DNAH9: variants seen among roughly 807,000 people sequenced by gnomAD.
DNAH9 encodes the protein dynein axonemal heavy chain 9.
A neutral mutation model predicts 471.6 loss-of-function variants in DNAH9; 345 were observed. That is an observed-to-expected ratio of 0.73 (90% CI 0.67 to 0.80). The LOEUF is 0.80. Ranked by LOEUF, DNAH9 falls within the 30% of genes least tolerant of loss-of-function variation. The probability of loss-of-function intolerance (pLI) is 0.00; values close to 1 mark genes in which losing one functional copy is unlikely to be tolerated. For missense variants in DNAH9, 5,407 were observed against 5,609.2 expected (o/e 0.96, Z 1.15); for synonymous variants, 2,093 against 2,123.6 (o/e 0.99, Z 0.40).
At chr17:11,898,148 C>G (rs1471603821) in intron 59 of DNAH9, among the ~76,000 whole-genome samples, 1 of 146,520 alleles carries the variant, frequency 6.8e-6, no homozygotes, top group Non-Finnish European at 1.5e-5. Context: ...TTTTTTGAGG[C>G]GGAGTCTCGC....
intron 57 of DNAH9, among the ~76,000 whole-genome samples, chr17:11,888,903 C>T (rs1972965570): frequency 6.6e-6 from 1 of 152,156 alleles, no homozygotes; most frequent in African/African-American, 2.4e-5. Context: ...GTGGCAGGAA[C>T]CATTCATCCT....
intron 48 of DNAH9, among the ~76,000 whole-genome samples, chr17:11,824,761 G>A (rs1295914400): frequency 3.3e-5 from 5 of 151,416 alleles, no homozygotes. Context: ...TTTTATTTTG[G>A]CCTGTTTTTC....
At chr17:11,778,876 T>C (rs1968564488) in intron 38 of DNAH9, among the ~76,000 whole-genome samples, 2 of 151,672 alleles carry the variant, frequency 1.3e-5, no homozygotes, top group South Asian at 2.1e-4. Context: ...TGTGGTGGTG[T>C]ATGCCTGTAA....
chr17:11,949,064 A>T (rs941627221), intron 67 of DNAH9, among the ~76,000 whole-genome samples: 3 of 152,248 alleles, frequency 2.0e-5, no homozygotes, highest in Non-Finnish European at 4.4e-5. Flanking sequence ...ACTACAGCCT[A>T]CAAATCCAAG....
rs1270430681 is a variant in DNAH9 at position 11,644,660 on chromosome 17, T to C, written c.1931T>C (p.Met644Thr). Residue 644 changes from methionine (M) to threonine (T), a missense_variant, in exon 11 of 69, where the codon ATG becomes ACG. By Grantham distance (81) the Met-to-Thr change is moderately conservative. Coordinates refer to ENST00000262442, the MANE Select transcript of DNAH9 (RefSeq NM_001372.4). ...PCMESAEGKR[M>T]QQKYEDMLSL... ...ATGGAATCTGCAGAAGGAAAGCGAA[T>C]GCAACAAAAATATGAAGATATGCTG... is the stretch of plus-strand genomic sequence containing the variant. The C allele has an allele frequency of 5.0e-6, 8 of 1,613,156 alleles. No homozygotes were observed. The highest frequency in any genetic ancestry group is 5.9e-6 in the Non-Finnish European group (7 of 1,179,506).
Position 11,652,849 on chromosome 17 carries a change from C to G in DNAH9, c.2442C>G (p.Ile814Met). The G allele has an allele frequency of 6.2e-7, 1 of 1,613,846 alleles. No homozygotes were observed. The highest frequency in any genetic ancestry group is 8.5e-7 in the Non-Finnish European group (1 of 1,179,836). Residue 814 changes from isoleucine (I) to methionine (M), a missense_variant, in exon 14 of 69, where the codon ATC becomes ATG. Physicochemically the swap from Ile to Met is conservative, Grantham distance 10. Coordinates refer to ENST00000262442, the MANE Select transcript of DNAH9 (RefSeq NM_001372.4). ...AAACTAAAGACAATGTGGAAGAGATCCAAAACATCATGAAAACATGGGTGA... is the reference window on the plus strand; with the variant it reads ...AAACTAAAGACAATGTGGAAGAGATGCAAAACATCATGAAAACATGGGTGA... ...IQKTKDNVEE[I>M]QNIMKTWVTP...
At chr17:11,704,491 G>T in intron 25 of DNAH9, 49 bp downstream of exon 25, 1 of 1,591,270 alleles carries the variant, frequency 6.3e-7, no homozygotes, top group Non-Finnish European at 8.5e-7. Flanking sequence ...CAGCTACACT[G>T]AGAACAGCAC....
intron 6 of DNAH9, 145 bp from the exon 7 acceptor site, chr17:11,629,272 C>T: frequency 1.9e-6 from 1 of 528,384 alleles, no homozygotes; most frequent in Non-Finnish European, 3.4e-6. Context: ...CAACAGTCCC[C>T]AGAGTGTGAT....
intron 22 of DNAH9, among the ~76,000 whole-genome samples, chr17:11,698,168 A>G (rs1398994407): frequency 1.6e-5 from 1 of 63,206 alleles, no homozygotes; most frequent in African/African-American, 9.2e-5. Context: ...ATATATTATT[A>G]TATTAATATA....
intron 14 of DNAH9, among the ~76,000 whole-genome samples, chr17:11,655,887 T>C (rs907907948): frequency 3.5e-4 from 53 of 150,740 alleles, no homozygotes; most frequent in African/African-American, 1.0e-3. Context: ...TATATATATA[T>C]ATACATATAT....
At chr17:11,753,132 A>G (rs1481016293) in intron 33 of DNAH9, among the ~76,000 whole-genome samples, 172 bp downstream of exon 33, 1 of 152,234 alleles carries the variant, frequency 6.6e-6, no homozygotes, top group African/African-American at 2.4e-5. Flanking sequence ...CCCAGCAGCA[A>G]CTTTTGCTTA....
intron 14 of DNAH9, among the ~76,000 whole-genome samples, chr17:11,659,208 C>A (rs878861514): frequency 6.6e-6 from 1 of 152,092 alleles, no homozygotes; most frequent in Non-Finnish European, 1.5e-5. Context: ...TTAGTTTTTG[C>A]AAGTTGCTTT....
At position 11,629,591 on chromosome 17, in the gene DNAH9, T is replaced by C; in HGVS notation, c.1518+7T>C. The C allele has an allele frequency of 4.3e-6, 7 of 1,611,374 alleles. No individual in the cohort carries two copies. The highest frequency in any genetic ancestry group is 5.9e-6 in the Non-Finnish European group (7 of 1,178,640). On this transcript the variant is annotated splice_region_variant and intron_variant, in intron 7 of 68. Coordinates refer to ENST00000262442, the MANE Select transcript of DNAH9 (RefSeq NM_001372.4). ...CCTGTACCTCCAAAGCACGGTAGGG[T>C]TGGGAAGGGCTGAATCGCCAGCTCT...
intron 61 of DNAH9, among the ~76,000 whole-genome samples, chr17:11,909,879 A>G (rs1027626177): frequency 6.6e-6 from 1 of 152,138 alleles, no homozygotes; most frequent in Non-Finnish European, 1.5e-5. Context: ...TTGAAACCCT[A>G]CATCCACTAG....
At chr17:11,714,403 A>G (rs369814703) in intron 26 of DNAH9, among the ~76,000 whole-genome samples, 1 of 152,194 alleles carries the variant, frequency 6.6e-6, no homozygotes, top group African/African-American at 2.4e-5. Context: ...AATTCAAGTT[A>G]TGAGTGAAGA....
chr17:11,652,303 T>TTG (rs1244404705), intron 13 of DNAH9, among the ~76,000 whole-genome samples: 20 of 146,110 alleles, frequency 1.4e-4, no homozygotes, highest in African/African-American at 4.1e-4. Context: ...TTTTTTTTTT[T>TTG]GAGACAGAGT....
intron 45 of DNAH9, among the ~76,000 whole-genome samples, chr17:11,810,760 C>CA (rs1157469883): frequency 1.3e-5 from 2 of 152,076 alleles, no homozygotes; most frequent in Non-Finnish European, 2.9e-5. Context: ...GGAAGATACA[C>CA]AAAAAGAGAG....
chr17:11,622,555 G>A (rs1291927327), intron 6 of DNAH9, among the ~76,000 whole-genome samples: 3 of 152,094 alleles, frequency 2.0e-5, no homozygotes, highest in East Asian at 3.9e-4. Context: ...GCCTGGCAGC[G>A]GCCATGTTTG....
rs776330395 is a variant in DNAH9 at position 11,923,794 on chromosome 17, C to T, written c.11750-20C>T. The T allele has an allele frequency of 5.9e-5, 95 of 1,611,646 alleles. 1 individual carries two copies. Among genetic ancestry groups the T allele is most frequent in the Middle Eastern group, 3.3e-4 (2 of 6,060 alleles). ...CATTAGACACAAGAAATAATAATGA[C>T]GCCTCCATCCTCCTTTTAGGAAGAA... is the stretch of plus-strand genomic sequence containing the variant. On this transcript the variant is annotated intron_variant, in intron 61 of 68. Transcript: ENST00000262442.
Sources: gnomAD v4.1 joint callset for allele counts (sites outside exome capture counted in the v4.1 genomes callset) on GRCh38, gnomAD v4.1.1 for gene constraint, MANE v1.5 for transcripts, NCBI Gene and HGNC (gene_info 2026-07-23, HGNC 2026-07-21) for gene names.